The following PTPRN2 variants were observed in gnomAD, a reference collection of about 807,000 sequenced individuals.
PTPRN2 encodes receptor-type tyrosine-protein phosphatase N2.
In PTPRN2, 74 loss-of-function variants were observed where a neutral mutation model predicts 118.8. The observed-to-expected ratio is 0.62, with a 90% CI of 0.52 to 0.76. The LOEUF is 0.76. PTPRN2 is among the 30% of genes least tolerant of loss of function. The pLI is 0.00. For synonymous variants in PTPRN2, 641 were observed against 608.0 expected (o/e 1.05, Z -0.80); for missense variants, 1,481 against 1,394.4 (o/e 1.06, Z -0.99).
At chr7:158,539,841 C>T in intron 1 of PTPRN2, 1 of 236,808 alleles carries the variant, frequency 4.2e-6, no homozygotes, top group South Asian at 4.1e-5. Flanking sequence ...TGGAGACATA[C>T]TGTGAGCCTG....
chr7:157,596,762 G>A lies in PTPRN2; in HGVS notation c.2419-1447C>T, dbSNP rs993363834. On this transcript the variant is annotated intron_variant, in intron 16 of 22. Coordinates refer to ENST00000389418, the MANE Select transcript of PTPRN2 (RefSeq NM_002847.5). This position sits in a 1 kb window ranked among gnomAD's most constrained non-coding sequence, Gnocchi z 4.2. ...GGAGGCAGCCGCTTGTGCATCTGAC[G>A]CACAGTCCTTTCTTCTATTGTGTCT... Among the ~76,000 whole-genome samples the A allele has an allele frequency of 1.3e-5, 2 of 152,166 alleles. No individual in the cohort carries two copies. Among genetic ancestry groups the A allele is most frequent in the Non-Finnish European group, 2.9e-5 (2 of 68,024 alleles).
intron 12 of PTPRN2, among the ~76,000 whole-genome samples, chr7:157,766,225 ATC>A (rs1370275772): frequency 7.2e-6 from 1 of 139,486 alleles, no homozygotes; most frequent in African/African-American, 2.7e-5. Context: ...CCACACACCC[ATC>A]CATCCATCCA....
At chr7:158,083,640 G>A (rs896131154) in intron 10 of PTPRN2, among the ~76,000 whole-genome samples, 3 of 152,204 alleles carry the variant, frequency 2.0e-5, no homozygotes, top group Non-Finnish European at 2.9e-5. Flanking sequence ...CACACAGCCC[G>A]TGTCCTTTCT....
chr7:157,872,915 C>T (rs1811198105), intron 12 of PTPRN2, among the ~76,000 whole-genome samples: 1 of 152,256 alleles, frequency 6.6e-6, no homozygotes, highest in Admixed American at 6.5e-5. Context: ...CAGGCCACCT[C>T]CCCTTGCTGG....
At chr7:158,246,356 G>A (rs1796247519) in intron 3 of PTPRN2, among the ~76,000 whole-genome samples, 1 of 151,632 alleles carries the variant, frequency 6.6e-6, no homozygotes, top group African/African-American at 2.4e-5. Context: ...GAGATGGAGA[G>A]AGAAACAGAG....
chr7:157,917,265 G>A (rs371464525), intron 11 of PTPRN2, among the ~76,000 whole-genome samples: 4 of 152,242 alleles, frequency 2.6e-5, no homozygotes, highest in Admixed American at 6.5e-5. Context: ...TGTATGAAGC[G>A]AAGGCACTGA....
In PTPRN2 at chr7:157,794,047, C is replaced by T. The variant is rs1023744051; in HGVS notation, c.1788+104626G>A. On this transcript the variant is annotated intron_variant, in intron 12 of 22. Coordinates refer to ENST00000389418, the MANE Select transcript of PTPRN2 (RefSeq NM_002847.5). The surrounding 1 kb of genome is among the most constrained non-coding windows in gnomAD (Gnocchi z 5.2). Reference sequence around the variant, plus strand: ...GGCCTCGGCAGCACACCTCGAGGGGCCCAGGACAAGCTCGGGGCCCAGGTG... The same window carrying T: ...GGCCTCGGCAGCACACCTCGAGGGGTCCAGGACAAGCTCGGGGCCCAGGTG... Among the ~76,000 whole-genome samples the T allele has an allele frequency of 2.0e-5, 3 of 152,254 alleles. No homozygotes were observed. The highest frequency in any genetic ancestry group is 3.9e-4 in the East Asian group (2 of 5,152).
intron 1 of PTPRN2, among the ~76,000 whole-genome samples, chr7:158,545,987 A>G (rs982132840): frequency 3.9e-5 from 6 of 152,182 alleles, no homozygotes; most frequent in East Asian, 1.9e-4. Context: ...TGTCTCAAAA[A>G]AAAGAAAGAA....
chr7:158,386,556 G>C (rs1239316990), intron 2 of PTPRN2, among the ~76,000 whole-genome samples: 1 of 152,172 alleles, frequency 6.6e-6, no homozygotes, highest in African/African-American at 2.4e-5. Flanking sequence ...TATAGCTATG[G>C]ATGGGTGCAG....
intron 12 of PTPRN2, among the ~76,000 whole-genome samples, chr7:157,702,896 G>A (rs1357011397): frequency 1.3e-5 from 2 of 152,188 alleles, no homozygotes; most frequent in African/African-American, 4.8e-5. Flanking sequence ...AACACTAGGG[G>A]ACCTTCATAC....
intron 12 of PTPRN2, among the ~76,000 whole-genome samples, chr7:157,704,020 C>A (rs1798207822): frequency 6.6e-6 from 1 of 152,210 alleles, no homozygotes; most frequent in Non-Finnish European, 1.5e-5. Context: ...CGGGTGCCAT[C>A]CTCCGCGGGG....
intron 3 of PTPRN2, among the ~76,000 whole-genome samples, chr7:158,287,387 T>C (rs1303261857): frequency 6.6e-6 from 1 of 152,132 alleles, no homozygotes; most frequent in Non-Finnish European, 1.5e-5. Flanking sequence ...GTTCTTTTTA[T>C]AGTACCTTGA....
At chr7:158,097,888 G>A (rs1318892442) in intron 10 of PTPRN2, among the ~76,000 whole-genome samples, 2 of 152,220 alleles carry the variant, frequency 1.3e-5, no homozygotes, top group African/African-American at 4.8e-5. Flanking sequence ...GAGAGTGACA[G>A]CTTGCGCATC....
At chr7:158,046,054 CGTCCTGACACTGCAATCCTGGT>C (rs1808839312) in intron 11 of PTPRN2, among the ~76,000 whole-genome samples, 3 of 145,242 alleles carry the variant, frequency 2.1e-5, no homozygotes, top group Non-Finnish European at 3.0e-5. Flanking sequence ...GTGATCCTGG[CGTCCTGACACTGCAATCCTGGT>C]GTCCTGACAC....
At chr7:157,738,457 G>A (rs939609987) in intron 12 of PTPRN2, among the ~76,000 whole-genome samples, 25 of 152,210 alleles carry the variant, frequency 1.6e-4, no homozygotes, top group African/African-American at 5.1e-4. Context: ...GCCTCTGGAG[G>A]CTCCTCTCTG....
intron 6 of PTPRN2, among the ~76,000 whole-genome samples, chr7:158,153,187 TC>T (rs1219969579): frequency 6.6e-6 from 1 of 152,176 alleles, no homozygotes; most frequent in Non-Finnish European, 1.5e-5. Context: ...GCATTCGGAC[TC>T]CAGGGGAAAA....
At chr7:158,426,209 C>G (rs372394048) in intron 2 of PTPRN2, among the ~76,000 whole-genome samples, 1 of 1,280 alleles carries the variant, frequency 7.8e-4, no homozygotes, top group Non-Finnish European at 1.1e-3. Context: ...CGGGAAAGAC[C>G]CAGAGTCCGA....
intron 1 of PTPRN2, among the ~76,000 whole-genome samples, chr7:158,571,030 T>A (rs915922013): frequency 1.1e-4 from 17 of 152,254 alleles, no homozygotes; most frequent in African/African-American, 3.9e-4. Flanking sequence ...CACCGGACAC[T>A]CCACCTAGTC....
chr7:158,446,523 C>A (rs925389374), intron 2 of PTPRN2, among the ~76,000 whole-genome samples: 2 of 151,646 alleles, frequency 1.3e-5, no homozygotes, highest in Non-Finnish European at 2.9e-5. Flanking sequence ...CCACCCCCAG[C>A]GGGCAGACCC....
Sources: gnomAD v4.1 joint callset for allele counts (sites outside exome capture counted in the v4.1 genomes callset) on GRCh38, gnomAD v4.1.1 for gene constraint, Gnocchi (gnomAD v3.1) non-coding constraint, MANE v1.5 for transcripts, NCBI Gene and HGNC (gene_info 2026-07-23, HGNC 2026-07-21) for gene names.